PICALM: variants seen among roughly 807,000 people sequenced by gnomAD.
PICALM encodes the protein phosphatidylinositol-binding clathrin assembly protein.
In PICALM, 40 loss-of-function variants were observed where a neutral mutation model predicts 80.5. That is an observed-to-expected ratio of 0.50 (90% CI 0.39 to 0.65). PICALM has a LOEUF of 0.65. Among genes scored for constraint, PICALM ranks in the 30% least tolerant of loss-of-function variants. The probability of loss-of-function intolerance (pLI) is 0.00; values close to 1 mark genes in which losing one functional copy is unlikely to be tolerated. For synonymous variants in PICALM, 288 were observed against 260.3 expected (o/e 1.11, Z -1.02); for missense variants, 676 against 778.9 (o/e 0.87, Z 1.57).
intron 17 of PICALM, 128 bp from the exon 18 acceptor site, chr11:85,976,810 G>A (rs895578706): frequency 1.6e-6 from 1 of 615,200 alleles, no homozygotes; most frequent in Non-Finnish European, 3.0e-6. Context: ...TGACACTTGT[G>A]ATCATTAAGA....
chr11:86,027,813 G>A (rs117446342), intron 2 of PICALM, among the ~76,000 whole-genome samples: 810 of 152,134 alleles, frequency 5.3e-3, no homozygotes, highest in African/African-American at 6.5e-3. Context: ...GAGAAACTGC[G>A]CCCGGCCTCC....
chr11:86,023,930 C>T (rs190380957), intron 3 of PICALM, among the ~76,000 whole-genome samples: 47 of 152,234 alleles, frequency 3.1e-4, no homozygotes, highest in Admixed American at 3.0e-3. Context: ...TCAAGACCAA[C>T]CTGGTCAACA....
chr11:86,003,338 G>A, intron 9 of PICALM, 28 bp downstream of exon 9: 2 of 1,394,958 alleles, frequency 1.4e-6, no homozygotes, highest in South Asian at 1.3e-5. Flanking sequence ...AATCACTCTG[G>A]CTTTTTGGCC....
At chr11:86,005,079 C>CTACTGGTATATCCATAT (rs1455173593) in intron 8 of PICALM, among the ~76,000 whole-genome samples, 4 of 152,186 alleles carry the variant, frequency 2.6e-5, no homozygotes, top group Admixed American at 6.5e-5. Flanking sequence ...GAAGTAGACA[C>CTACTGGTATATCCATAT]TACTGGTATA....
In PICALM at chr11:86,068,604, G is replaced by T. The variant is rs778250796; in HGVS notation, c.130+47C>A. Reference sequence around the variant, plus strand: ...AGAGAGAGAGAGAAGGACGCGCGCGGGTCGCGCGGGCGCCGGGGAGCGGGG... The same window carrying T: ...AGAGAGAGAGAGAAGGACGCGCGCGTGTCGCGCGGGCGCCGGGGAGCGGGG... On this transcript the variant is annotated intron_variant, in intron 1 of 19. Transcript: ENST00000393346. The T allele has an allele frequency of 1.1e-5, 17 of 1,571,584 alleles. No individual in the cohort carries two copies. In the East Asian group the frequency reaches 3.9e-4, roughly 36 times the overall value.
At chr11:85,982,308 AG>A in intron 14 of PICALM, 1 of 236,476 alleles carries the variant, frequency 4.2e-6, no homozygotes, top group Non-Finnish European at 8.4e-6. Context: ...TTCTCCTGCT[AG>A]CCCAGCAAAA....
At chr11:85,966,969 A>G (rs1592325923) in intron 19 of PICALM, among the ~76,000 whole-genome samples, 1 of 152,316 alleles carries the variant, frequency 6.6e-6, no homozygotes, top group East Asian at 1.9e-4. Context: ...TTCTGTTTTA[A>G]TTTCTGTTTT....
At chr11:86,027,566 CAG>C (rs1268960871) in intron 2 of PICALM, among the ~76,000 whole-genome samples, 3,034 of 151,020 alleles carry the variant, frequency 0.02, 112 homozygotes, top group African/African-American at 0.07. Context: ...GGTGTGATCA[CAG>C]CTTTCCACCC....
chr11:86,029,788 T>G (rs1458366042), intron 2 of PICALM, among the ~76,000 whole-genome samples: 1 of 152,214 alleles, frequency 6.6e-6, no homozygotes, highest in Admixed American at 6.5e-5. Context: ...ACTAAACATA[T>G]TCTTGCTAAA....
chr11:86,002,869 C>A (rs1317815653), intron 9 of PICALM, among the ~76,000 whole-genome samples: 1 of 151,876 alleles, frequency 6.6e-6, no homozygotes, highest in African/African-American at 2.4e-5. Context: ...AAAAATTAGC[C>A]GGCCGTGGTG....
chr11:86,003,831 T>C (rs140040649), intron 8 of PICALM: 309 of 156,230 alleles, frequency 2.0e-3, no homozygotes, highest in African/African-American at 7.1e-3. Flanking sequence ...AACATGACTC[T>C]GGAATAATTA....
chr11:85,974,869 A>T, intron 18 of PICALM, 57 bp from the exon 19 acceptor site: 2 of 1,171,610 alleles, frequency 1.7e-6, no homozygotes, highest in Non-Finnish European at 2.6e-6. Flanking sequence ...ATTGTGACTA[A>T]GTAAATAACA....
At chr11:86,021,647 A>G (rs1949221) in intron 4 of PICALM, among the ~76,000 whole-genome samples, 76,796 of 151,988 alleles carry the variant, frequency 0.51, 19,928 homozygotes, top group African/African-American at 0.62. Context: ...AATGACAAAC[A>G]TAAGAGTTAC....
chr11:85,983,823 A>G, intron 14 of PICALM, 43 bp downstream of exon 14: 2 of 792,434 alleles, frequency 2.5e-6, no homozygotes, highest in South Asian at 3.3e-5. Flanking sequence ...CAGAATCTAA[A>G]TTAGGACATT....
intron 7 of PICALM, among the ~76,000 whole-genome samples, chr11:86,009,186 A>C (rs1235360007): frequency 6.9e-6 from 1 of 145,156 alleles, no homozygotes; most frequent in South Asian, 2.3e-4. Context: ...CCAGCTACCC[A>C]GGAAGCTGAG....
chr11:85,978,035 A>G, intron 17 of PICALM: 1 of 1,581,012 alleles, frequency 6.3e-7, no homozygotes, highest in Non-Finnish European at 8.7e-7. Context: ...TAGCATGCCA[A>G]TTTATTGCAA....
intron 1 of PICALM, among the ~76,000 whole-genome samples, chr11:86,055,068 T>C (rs1359445940): frequency 6.6e-6 from 1 of 152,128 alleles, no homozygotes; most frequent in Non-Finnish European, 1.5e-5. Context: ...TGGTGGCTAA[T>C]GCCTGTAATC....
At chr11:86,026,481 T>C (rs1425005389) in intron 2 of PICALM, 114 bp from the exon 3 acceptor site, 2 of 617,842 alleles carry the variant, frequency 3.2e-6, no homozygotes, top group Non-Finnish European at 5.7e-6. Flanking sequence ...CTAGTTTAAA[T>C]TTCTCATCCT....
In PICALM at chr11:86,017,463, C is replaced by T. The variant is rs535555213; in HGVS notation, c.453-2500G>A. 1.2e-3 allele frequency among the ~76,000 whole-genome samples: 184 copies of T among 152,188 alleles called. 1 individual carries two copies. The highest frequency in any genetic ancestry group is 3.4e-3 in the Middle Eastern group (1 of 294). ...AAAAAACAAGGAAAAATACTCATAA[C>T]CTATAACAATTTATTTTCCTAATAT... On this transcript the variant is annotated intron_variant, in intron 4 of 19. Transcript: ENST00000393346.
Sources: allele counts gnomAD v4.1 joint callset (sites outside exome capture counted in the v4.1 genomes callset), GRCh38; gene constraint gnomAD v4.1.1; transcripts MANE v1.5; gene names NCBI Gene and HGNC (gene_info 2026-07-23, HGNC 2026-07-21).